The following TNPO1 variants were observed in gnomAD, a reference collection of about 807,000 sequenced individuals.
TNPO1 encodes the protein transportin 1, also known as transportin-1.
Under a neutral mutation model 119.5 loss-of-function variants are expected in TNPO1, and 8 were observed. That is an observed-to-expected ratio of 0.07 (90% CI 0.04 to 0.12). The LOEUF (loss-of-function observed/expected upper bound fraction) is 0.12, where lower values mean the gene tolerates loss of function less well. Among genes scored for constraint, TNPO1 ranks in the 10% least tolerant of loss-of-function variants. The probability of loss-of-function intolerance (pLI) is 1.00; values close to 1 mark genes in which losing one functional copy is unlikely to be tolerated. For missense variants in TNPO1, 576 were observed against 1,089.8 expected, an observed-to-expected ratio of 0.53 and a Z score of 6.64; for synonymous variants, 362 against 363.0, an observed-to-expected ratio of 1.00 and a Z score of 0.03.
intron 7 of TNPO1, among the ~76,000 whole-genome samples, chr5:72,873,396 T>C (rs771234886): frequency 6.6e-6 from 1 of 152,156 alleles, no homozygotes; most frequent in Admixed American, 6.5e-5. Flanking sequence ...CTGATACTAC[T>C]GTTGGGAAAT....
intron 1 of TNPO1, among the ~76,000 whole-genome samples, chr5:72,822,908 CTTTTTTTTT>C (rs56331096): frequency 3.9e-5 from 3 of 76,080 alleles, no homozygotes; most frequent in Admixed American, 3.4e-4. Flanking sequence ...TGGGTCTACA[CTTTTTTTTT>C]TTTTTTTTTT....
At chr5:72,836,733 GC>G (rs1335954680) in intron 1 of TNPO1, among the ~76,000 whole-genome samples, 1 of 152,044 alleles carries the variant, frequency 6.6e-6, no homozygotes, top group Non-Finnish European at 1.5e-5. Context: ...CTCTCTTCCT[GC>G]ATCTTACTAT....
intron 1 of TNPO1, among the ~76,000 whole-genome samples, chr5:72,827,202 A>T (rs1744242657): frequency 6.6e-6 from 1 of 152,154 alleles, no homozygotes; most frequent in Admixed American, 6.5e-5. Context: ...TAAGAAAACC[A>T]GTGTGATGAA....
chr5:72,845,287 G>T, intron 1 of TNPO1, among the ~76,000 whole-genome samples: 1 of 151,898 alleles, frequency 6.6e-6, no homozygotes. Context: ...TATTGATCTT[G>T]ATATTCTATT....
chr5:72,882,551 A>G (rs758431518), intron 10 of TNPO1, 24 bp downstream of exon 10: 4 of 1,549,546 alleles, frequency 2.6e-6, no homozygotes, highest in Non-Finnish European at 2.7e-6. Context: ...TTTGATGAAT[A>G]GGGAACAAGA....
In TNPO1 at chr5:72,888,399, GT is replaced by G. The variant is rs372835283; in HGVS notation, c.1529+99del. ...GTTGGTGTTAAACCTATAATGAAGT[GT>G]TTCGTAATTGAAAATTTTCCAGTTA... is the stretch of plus-strand genomic sequence containing the variant. On this transcript the variant is annotated intron_variant, in intron 13 of 24. Coordinates refer to ENST00000337273, the MANE Select transcript of TNPO1 (RefSeq NM_002270.4). 14 of 1,090,170 alleles carry G rather than the reference GT, an allele frequency of 1.3e-5. No homozygotes were observed. The African/African-American group carries it at 1.9e-4, about 15-fold the overall frequency. The allele number at this position is 1,090,170 out of a possible 1,614,324, so 67.5% of individuals were successfully genotyped here.
chr5:72,855,037 C>G (rs532486965), intron 3 of TNPO1, among the ~76,000 whole-genome samples: 1 of 152,054 alleles, frequency 6.6e-6, no homozygotes, highest in Non-Finnish European at 1.5e-5. Context: ...GTCGCCTGGG[C>G]TGGAGTGTAG....
chr5:72,881,140 G>A (rs1174071209), intron 9 of TNPO1, among the ~76,000 whole-genome samples: 1 of 151,628 alleles, frequency 6.6e-6, no homozygotes, highest in Non-Finnish European at 1.5e-5. Context: ...AGATGGAGTC[G>A]CACTCTGTTT....
intron 1 of TNPO1, among the ~76,000 whole-genome samples, chr5:72,818,533 G>GT (rs1182518950): frequency 6.6e-6 from 1 of 152,068 alleles, no homozygotes; most frequent in African/African-American, 2.4e-5. Flanking sequence ...TTCTGCAAAT[G>GT]TTTTTTTAAG....
chr5:72,905,471 T>C, intron 24 of TNPO1, 26 bp downstream of exon 24: 1 of 1,253,444 alleles, frequency 8.0e-7, no homozygotes, highest in East Asian at 2.3e-5. Flanking sequence ...TTTGGAAATT[T>C]TCAGGATGAA....
rs938787185 is a variant in TNPO1, at chr5:72,881,939, T to C, written c.921-528T>C. 3.3e-5 allele frequency among the ~76,000 whole-genome samples: 5 copies of C among 152,298 alleles called. No homozygotes were observed. The South Asian group carries it at 1.0e-3, about 32-fold the overall frequency. On this transcript the variant is annotated intron_variant, in intron 9 of 24. Coordinates refer to ENST00000337273, the MANE Select transcript of TNPO1 (RefSeq NM_002270.4). ...CTTCAAAAAACAAAAAAACTCAAAC[T>C]TTTTTTGAGTGGGACTTACTGTCTT...
intron 22 of TNPO1, among the ~76,000 whole-genome samples, chr5:72,903,041 T>A (rs1316154826): frequency 1.3e-5 from 2 of 152,168 alleles, no homozygotes; most frequent in Non-Finnish European, 2.9e-5. Flanking sequence ...CTGTTAGTGT[T>A]TCAGTATGAT....
At chr5:72,856,333 G>A (rs1745996449) in intron 4 of TNPO1, among the ~76,000 whole-genome samples, 1 of 152,100 alleles carries the variant, frequency 6.6e-6, no homozygotes. Flanking sequence ...CTGGATTCAA[G>A]CGATTCTCCT....
intron 1 of TNPO1, among the ~76,000 whole-genome samples, chr5:72,845,605 CTGAATCAAATATTCT>C (rs1443534155): frequency 6.6e-6 from 1 of 152,170 alleles, no homozygotes; most frequent in Non-Finnish European, 1.5e-5. Flanking sequence ...AAGCAGTTAT[CTGAATCAAATATTCT>C]TGAGAGCCCT....
intron 9 of TNPO1, among the ~76,000 whole-genome samples, chr5:72,877,595 G>T (rs1580441926): frequency 6.6e-6 from 1 of 151,728 alleles, no homozygotes; most frequent in African/African-American, 2.4e-5. Flanking sequence ...ATTTTTGTGG[G>T]GTTTTTTTGT....
intron 2 of TNPO1, among the ~76,000 whole-genome samples, chr5:72,849,028 G>C (rs1374706580): frequency 6.6e-6 from 1 of 152,098 alleles, no homozygotes. Context: ...GGTCTTGGGG[G>C]TTTTTCCACG....
intron 4 of TNPO1, among the ~76,000 whole-genome samples, chr5:72,858,613 G>C (rs1313188271): frequency 6.6e-6 from 1 of 152,116 alleles, no homozygotes; most frequent in Non-Finnish European, 1.5e-5. Flanking sequence ...CAAGGTGGGC[G>C]GATCACGAGG....
intron 9 of TNPO1, among the ~76,000 whole-genome samples, chr5:72,878,383 T>G (rs925208592): frequency 6.6e-6 from 1 of 151,976 alleles, no homozygotes; most frequent in Admixed American, 6.6e-5. Context: ...TACCCCACTG[T>G]GTGTCTATTC....
chr5:72,824,123 T>G (rs767559851), intron 1 of TNPO1, among the ~76,000 whole-genome samples: 3 of 152,214 alleles, frequency 2.0e-5, no homozygotes, highest in Non-Finnish European at 2.9e-5. Flanking sequence ...AGATTAACTG[T>G]TCATATTCTT....
Sources: gnomAD v4.1 joint callset for allele counts (sites outside exome capture counted in the v4.1 genomes callset) on GRCh38, gnomAD v4.1.1 for gene constraint, MANE v1.5 for transcripts, NCBI Gene and HGNC (gene_info 2026-07-23, HGNC 2026-07-21) for gene names.